KIAA1671: variants seen among roughly 807,000 people sequenced by gnomAD.
KIAA1671 encodes the protein KIAA1671.
Under a neutral mutation model 131.2 loss-of-function variants are expected in KIAA1671, and 52 were observed. The observed-to-expected ratio is 0.40, with a 90% confidence interval of 0.32 to 0.50. The LOEUF (loss-of-function observed/expected upper bound fraction) is 0.50. Among genes scored for constraint, KIAA1671 ranks in the 20% least tolerant of loss-of-function variants. The pLI is 0.73. For synonymous variants in KIAA1671, 1,003 were observed against 961.6 expected (o/e 1.04, Z -0.80); for missense variants, 2,360 against 2,364.2 (o/e 1.00, Z 0.04).
chr22:24,983,817 T>C (rs1293247880), intron 1 of KIAA1671, among the ~76,000 whole-genome samples: 1 of 150,780 alleles, frequency 6.6e-6, no homozygotes, highest in African/African-American at 2.5e-5. Context: ...TCACTCTTGT[T>C]GCCCAGGCTG....
Position 25,149,504 on chromosome 22 carries a change from C to T in KIAA1671, c.4531-21316C>T, listed in dbSNP as rs1000912762. 1.3e-4 allele frequency among the ~76,000 whole-genome samples: 20 copies of T among 152,246 alleles called. No homozygotes were observed. The East Asian group carries it at 3.1e-3, about 24-fold the overall frequency. On this transcript the variant is annotated intron_variant, in intron 6 of 12. Coordinates refer to ENST00000358431, the MANE Select transcript of KIAA1671 (RefSeq NM_001145206.2). The stretch of plus-strand genomic sequence containing the variant: ...CTTTTCCCTCCCCTTCCCTAGAGCT[C>T]TCCTTCCTGCCCTGTCCCTGGTGCC...
chr22:25,120,796 A>T lies in KIAA1671; in HGVS notation c.4531-50024A>T, dbSNP rs150592342. Among the ~76,000 whole-genome samples, 24 of 152,200 alleles carry T rather than the reference A, an allele frequency of 1.6e-4. No individual in the cohort carries two copies. The East Asian group carries it at 4.6e-3, about 29-fold the overall frequency. On this transcript the variant is annotated intron_variant, in intron 6 of 12. Transcript: ENST00000358431. ...AAATGTGAAAGTTTTGTATGTCTTT[A>T]TGACACTTTTAATGCCCTTGCAACA... is the stretch of plus-strand genomic sequence containing the variant.
intron 1 of KIAA1671, among the ~76,000 whole-genome samples, chr22:24,994,446 G>T (rs541557993): frequency 6.6e-6 from 1 of 152,152 alleles, no homozygotes; most frequent in Admixed American, 6.5e-5. Flanking sequence ...TAAATTATCC[G>T]ACTTGAGTGC....
In KIAA1671 at chr22:25,029,501, C is replaced by T. The variant is rs1195150085; in HGVS notation, c.1502C>T (p.Thr501Met). Residue 501 changes from threonine to methionine, a missense_variant, in exon 3 of 13, where the codon ACG becomes ATG. Thr to Met is a moderately conservative substitution (Grantham distance 81). Coordinates refer to ENST00000358431, the MANE Select transcript of KIAA1671 (RefSeq NM_001145206.2). ...GCTAAGCCCGAGGTCAGGAGGAGGA[C>T]GTTCCAGGCTCGGCCGCTGTCGGCG... Reference protein sequence around the residue: ...SEAKPEVRRRTFQARPLSADL... With the variant: ...SEAKPEVRRRMFQARPLSADL... 2.5e-5 allele frequency: 39 copies of T among 1,549,730 alleles called. No homozygotes were observed. The Admixed American group carries it at 3.9e-4, about 16-fold the overall frequency.
Position 25,093,839 on chromosome 22 carries a change from T to TCTCTCTCTCTTTCC in KIAA1671, c.4530+44485_4530+44486insTTCCCTCTCTCTCT, listed in dbSNP as rs1930254046. On this transcript the variant is annotated intron_variant, in intron 6 of 12. Coordinates refer to ENST00000358431, the MANE Select transcript of KIAA1671 (RefSeq NM_001145206.2). ...CTCTCTCTCTTTCTCTCTCTGTCTG[T>TCTCTCTCTCTTTCC]CTCTCTCTCTCTCTCTCTCTCTCTC... Among the ~76,000 whole-genome samples, 2 of 39,468 alleles carry TCTCTCTCTCTTTCC rather than the reference T, an allele frequency of 5.1e-5. 1 individual carries two copies. The allele number at this position is 39,468 out of a possible 152,430, so 25.9% of individuals were successfully genotyped here.
At chr22:25,014,392 T>C (rs1403201178) in intron 1 of KIAA1671, 1 of 152,078 alleles carries the variant, frequency 6.6e-6, no homozygotes, top group Non-Finnish European at 1.5e-5. Context: ...TACATCAGAA[T>C]AGTGGGATTT....
chr22:24,965,809 A>C (rs1414352321), intron 1 of KIAA1671, among the ~76,000 whole-genome samples: 1 of 152,166 alleles, frequency 6.6e-6, no homozygotes, highest in African/African-American at 2.4e-5. Flanking sequence ...AGTTGTCCCA[A>C]AGAATTATTT....
At chr22:25,026,149 C>T (rs946016934) in intron 2 of KIAA1671, among the ~76,000 whole-genome samples, 19 of 152,146 alleles carry the variant, frequency 1.2e-4, no homozygotes, top group African/African-American at 3.9e-4. Flanking sequence ...TTAGCACCAT[C>T]GAGCGTGTAA....
chr22:25,109,133 G>A (rs546734619), intron 6 of KIAA1671, among the ~76,000 whole-genome samples: 6 of 150,182 alleles, frequency 4.0e-5, no homozygotes, highest in East Asian at 1.9e-4. Context: ...TTTTTTAGAC[G>A]GAGTCTCACT....
At chr22:24,956,116 GA>G (rs1921686206) in intron 1 of KIAA1671, among the ~76,000 whole-genome samples, 1 of 152,246 alleles carries the variant, frequency 6.6e-6, no homozygotes, top group Admixed American at 6.5e-5. Flanking sequence ...AATGGTGTTG[GA>G]GGGGTGTTCA....
At chr22:25,144,453 G>A (rs1398646863) in intron 6 of KIAA1671, among the ~76,000 whole-genome samples, 3 of 152,130 alleles carry the variant, frequency 2.0e-5, no homozygotes, top group Non-Finnish European at 4.4e-5. Flanking sequence ...GGGGGTTCAG[G>A]GCCTCACTCC....
At chr22:25,125,622 C>A (rs1932142404) in intron 6 of KIAA1671, among the ~76,000 whole-genome samples, 1 of 152,178 alleles carries the variant, frequency 6.6e-6, no homozygotes, top group Non-Finnish European at 1.5e-5. Context: ...CTGTCCTGGG[C>A]ACTGTAGGAT....
intron 1 of KIAA1671, chr22:25,013,026 G>A (rs1925118458): frequency 1.3e-5 from 2 of 152,278 alleles, no homozygotes; most frequent in Admixed American, 6.5e-5. Context: ...TGAGAGTGGA[G>A]GGGTGTATCC....
chr22:25,058,356 C>G (rs1927966735), intron 6 of KIAA1671: 1 of 152,168 alleles, frequency 6.6e-6, no homozygotes, highest in Non-Finnish European at 1.5e-5. Flanking sequence ...TGATACATTC[C>G]TATTAAATAA....
intron 9 of KIAA1671, chr22:25,179,177 G>A: frequency 1.0e-6 from 1 of 975,298 alleles, no homozygotes; most frequent in Non-Finnish European, 1.6e-6. Context: ...GCTGAGTGCG[G>A]AAGAGAAGCA....
intron 10 of KIAA1671, among the ~76,000 whole-genome samples, chr22:25,184,478 C>T (rs763906359): frequency 2.6e-5 from 4 of 152,196 alleles, no homozygotes; most frequent in Non-Finnish European, 4.4e-5. Flanking sequence ...CCTCAGGTCC[C>T]GCAAGGGAAC....
chr22:24,985,525 A>G (rs1019630147), intron 1 of KIAA1671, among the ~76,000 whole-genome samples: 49 of 151,898 alleles, frequency 3.2e-4, no homozygotes, highest in Admixed American at 2.4e-3. Context: ...ATTTTTAGTA[A>G]AGATGGGGTT....
chr22:25,132,326 G>T (rs193274676), intron 6 of KIAA1671, among the ~76,000 whole-genome samples: 1 of 152,146 alleles, frequency 6.6e-6, no homozygotes, highest in Non-Finnish European at 1.5e-5. Context: ...CAGTCCAGGC[G>T]GTTGGAGTTT....
intron 6 of KIAA1671, chr22:25,070,004 C>T: frequency 4.7e-6 from 1 of 214,982 alleles, no homozygotes; most frequent in Non-Finnish European, 9.1e-6. Context: ...CACCTTCTCT[C>T]TTCTTGCCTT....
Sources: gnomAD v4.1 joint callset for allele counts (sites outside exome capture counted in the v4.1 genomes callset) on GRCh38, gnomAD v4.1.1 for gene constraint, MANE v1.5 for transcripts, NCBI Gene and HGNC (gene_info 2026-07-23, HGNC 2026-07-21) for gene names.